The following KAT6A variants were observed in gnomAD, a reference collection of about 807,000 sequenced individuals.
The protein encoded by KAT6A is histone acetyltransferase KAT6A.
A neutral mutation model predicts 198.4 loss-of-function variants in KAT6A; 9 were observed. The ratio of observed to expected loss-of-function variants is 0.05; its 90% confidence interval spans 0.03 to 0.08. The LOEUF is 0.08. Among genes scored for constraint, KAT6A ranks in the 10% least tolerant of loss-of-function variants. The pLI, the probability that KAT6A is intolerant of heterozygous loss-of-function variation, is 1.00. For missense variants in KAT6A, 2,077 were observed against 2,509.9 expected (o/e 0.83, Z 3.69); for synonymous variants, 890 against 883.0 (o/e 1.01, Z -0.14).
At chr8:41,941,689 G>A (rs1000677971) in intron 14 of KAT6A, among the ~76,000 whole-genome samples, 1 of 152,054 alleles carries the variant, frequency 6.6e-6, no homozygotes, top group Non-Finnish European at 1.5e-5. Context: ...TTACAAATGA[G>A]GCATGTGGGG....
chr8:42,017,560 T>A (rs575485763), intron 2 of KAT6A, among the ~76,000 whole-genome samples: 41 of 152,190 alleles, frequency 2.7e-4, no homozygotes. Flanking sequence ...GGTGGGGGGA[T>A]CTAAAGGAAT....
At chr8:41,941,748 A>T (rs1242713312) in intron 14 of KAT6A, among the ~76,000 whole-genome samples, 1 of 152,236 alleles carries the variant, frequency 6.6e-6, no homozygotes, top group Non-Finnish European at 1.5e-5. Context: ...GAGCAAGAGA[A>T]GATGCTGGGA....
In KAT6A at chr8:41,934,796, T is replaced by A; in HGVS notation, c.3424A>T (p.Thr1142Ser). Residue 1142 changes from threonine to serine, a missense_variant, in exon 17 of 17, where the codon ACA (threonine) becomes TCA (serine). Thr to Ser is a moderately conservative substitution (Grantham distance 58). This residue lies in a region of KAT6A where 375 missense variants were observed against 383.0 expected (regional missense o/e 0.98). Transcript: ENST00000265713. ...DVKNSPLEPDTSTPLKKKKGW... is the reference protein window; with the variant it reads ...DVKNSPLEPDSSTPLKKKKGW... Reference sequence around the variant, plus strand: ...TTTTTCTTTTTCAAAGGTGTGGATGTATCTGGCTCAAGAGGAGAATTCTTC... The same window carrying A: ...TTTTTCTTTTTCAAAGGTGTGGATGAATCTGGCTCAAGAGGAGAATTCTTC... 1 of 1,613,972 alleles carries A rather than the reference T, an allele frequency of 6.2e-7. No individual in the cohort carries two copies. The highest frequency in any genetic ancestry group is 8.5e-7 in the Non-Finnish European group (1 of 1,179,998).
intron 15 of KAT6A, among the ~76,000 whole-genome samples, chr8:41,938,227 A>G (rs1587715244): frequency 6.6e-6 from 1 of 152,232 alleles, no homozygotes; most frequent in Non-Finnish European, 1.5e-5. Flanking sequence ...CCTTCATTCT[A>G]TAGATGTCAG....
chr8:41,973,319 G>A (rs1823891827), intron 8 of KAT6A, among the ~76,000 whole-genome samples: 1 of 151,394 alleles, frequency 6.6e-6, no homozygotes, highest in South Asian at 2.1e-4. Flanking sequence ...TCCACCTCCC[G>A]GATTCAAGTG....
intron 2 of KAT6A, among the ~76,000 whole-genome samples, chr8:41,995,620 A>T (rs1281176927): frequency 1.3e-5 from 2 of 151,948 alleles, no homozygotes; most frequent in Non-Finnish European, 2.9e-5. Context: ...CATTTTCTAG[A>T]TACACAGATA....
chr8:42,035,953 G>A (rs1288172648), intron 2 of KAT6A, among the ~76,000 whole-genome samples: 3 of 151,982 alleles, frequency 2.0e-5, no homozygotes, highest in Admixed American at 1.3e-4. Context: ...GATGGCACAC[G>A]GCCCCTGAGG....
rs1587872037 is a variant in KAT6A, at chr8:42,049,340, G to T, written c.-325-38C>A. ...GAAAATAAGGTCAGTTTTCTACCAAGACCTATTTCGAATGAAAATAAGCAT... is the reference window on the plus strand; with the variant it reads ...GAAAATAAGGTCAGTTTTCTACCAATACCTATTTCGAATGAAAATAAGCAT... On this transcript the variant is annotated intron_variant, in intron 1 of 16. Coordinates refer to ENST00000265713, the MANE Select transcript of KAT6A (RefSeq NM_006766.5). 3 of 260,920 alleles carry T rather than the reference G, an allele frequency of 1.1e-5. No homozygotes were observed. In the South Asian group the frequency reaches 3.7e-4, roughly 32 times the overall value. The allele number at this position is 260,920 out of a possible 1,614,324, so 16.2% of individuals were successfully genotyped here.
At chr8:42,051,753 C>T (rs1802672710) in intron 1 of KAT6A, 148 bp downstream of exon 1, 1 of 144,920 alleles carries the variant, frequency 6.9e-6, no homozygotes, top group Non-Finnish European at 1.5e-5. Context: ...AGCCCGAGGC[C>T]TGGCGCAGAG....
intron 2 of KAT6A, among the ~76,000 whole-genome samples, chr8:42,039,470 T>C (rs756161450): frequency 1.1e-4 from 16 of 152,128 alleles, no homozygotes; most frequent in Non-Finnish European, 1.9e-4. Context: ...AGAAAATAAA[T>C]CTAATAGATG....
At chr8:41,957,301 T>C (rs1822972380) in intron 8 of KAT6A, 1 of 562,542 alleles carries the variant, frequency 1.8e-6, no homozygotes, top group South Asian at 1.4e-5. Flanking sequence ...CCAGCTCCCC[T>C]GAGCAAGCCT....
intron 2 of KAT6A, among the ~76,000 whole-genome samples, chr8:42,023,827 CAAA>C (rs200728544): frequency 3.3e-5 from 4 of 123,056 alleles, no homozygotes; most frequent in Admixed American, 1.6e-4. Flanking sequence ...TTTCTCTATC[CAAA>C]AAAAAAAAAA....
Position 41,941,210 on chromosome 8 carries a change from T to C in KAT6A, c.2671A>G (p.Thr891Ala). 1 of 1,614,186 alleles carries C rather than the reference T, an allele frequency of 6.2e-7. No homozygotes were observed. Among genetic ancestry groups the C allele is most frequent in the Admixed American group, 1.7e-5 (1 of 60,022 alleles). The change falls in exon 15 of 17, where the codon ACG becomes GCG. Residue 891 changes from threonine to alanine, a missense_variant. This residue lies in a region of KAT6A where 301 missense variants were observed against 272.2 expected (regional missense o/e 1.11). Transcript: ENST00000265713. ...DKDSKLLLEE[T>A]SSAPQEQYGE... ...TATTGTTCCTGAGGAGCTGAAGACGTCTCTTCCAAGAGCAGTTTAGAATCT... is the reference window on the plus strand; with the variant it reads ...TATTGTTCCTGAGGAGCTGAAGACGCCTCTTCCAAGAGCAGTTTAGAATCT...
chr8:41,933,140 G>C lies in KAT6A; in HGVS notation c.5080C>G (p.Pro1694Ala). ...AGCGGGGGCTGCTGCTGGGGAGGGG[G>C]TGGGGGTGGAGGCTGCTGGGGCTGA... ...QPQPQQPPPP[P>A]PPQQQPPLSQ... Residue 1694 changes from proline to alanine, a missense_variant, in exon 17 of 17, where the codon CCC becomes GCC. Pro to Ala is a conservative substitution (Grantham distance 27). Transcript: ENST00000265713. This position sits in a 1 kb window ranked among gnomAD's most constrained non-coding sequence, Gnocchi z 6.2. 6.2e-7 allele frequency: 1 copy of C among 1,605,570 alleles called. No individual in the cohort carries two copies. The highest frequency in any genetic ancestry group is 2.2e-5 in the East Asian group (1 of 44,814).
chr8:42,024,342 T>C (rs955938190), intron 2 of KAT6A, among the ~76,000 whole-genome samples: 4 of 152,202 alleles, frequency 2.6e-5, no homozygotes, highest in Admixed American at 2.6e-4. Flanking sequence ...TAATTGTACA[T>C]CTTTATGAGG....
At chr8:41,944,848 G>T (rs908729447) in intron 12 of KAT6A, among the ~76,000 whole-genome samples, 2 of 152,088 alleles carry the variant, frequency 1.3e-5, no homozygotes, top group Non-Finnish European at 2.9e-5. Flanking sequence ...GAAGTAATCT[G>T]AGTTCCATCC....
In KAT6A at chr8:42,042,362, G is replaced by A. The variant is rs921188281; in HGVS notation, c.600+6016C>T. Among the ~76,000 whole-genome samples, 5 of 151,718 alleles carry A rather than the reference G, an allele frequency of 3.3e-5. No individual in the cohort carries two copies. The East Asian group carries it at 7.8e-4, about 24-fold the overall frequency. ...ATCCCAGCTTACTCGGGAGGCTGAG[G>A]CAGGAGAATCGCTTGAACCCAGGAG... On this transcript the variant is annotated intron_variant, in intron 2 of 16. Coordinates refer to ENST00000265713, the MANE Select transcript of KAT6A (RefSeq NM_006766.5).
rs1227404667 is a variant in KAT6A, at chr8:42,049,301, G to A, written c.-324C>T. On this transcript the variant is annotated splice_region_variant and 5_prime_UTR_variant, in exon 2 of 17. Transcript: ENST00000265713. ...CAGAGCAGAAAAATGTGCATCTTAT[G>A]CCTGAAAAGCAATGAAAATAAGGTC... is the stretch of plus-strand genomic sequence containing the variant. 2.9e-5 allele frequency: 9 copies of A among 312,488 alleles called. No individual in the cohort carries two copies. Among genetic ancestry groups the A allele is most frequent in the Non-Finnish European group, 5.3e-5 (9 of 169,402 alleles). 19.4% of individuals were successfully genotyped at this position (312,488 alleles called of 1,614,324 possible). A position where few individuals can be genotyped will look rare whatever the true frequency, so the allele number is the denominator to read the frequency against.
chr8:42,040,531 C>T (rs541091796), intron 2 of KAT6A, among the ~76,000 whole-genome samples: 4 of 151,642 alleles, frequency 2.6e-5, no homozygotes, highest in East Asian at 2.0e-4. Flanking sequence ...GTCAGGAGTT[C>T]GAGACCAGCC....
Sources: gnomAD v4.1 joint callset for allele counts (sites outside exome capture counted in the v4.1 genomes callset) on GRCh38, gnomAD v4.1.1 for gene constraint, gnomAD v4.1.1 regional missense constraint, Gnocchi (gnomAD v3.1) non-coding constraint, MANE v1.5 for transcripts, NCBI Gene and HGNC (gene_info 2026-07-23, HGNC 2026-07-21) for gene names.